The following HEATR5B variants were observed in gnomAD, a reference collection of about 807,000 sequenced individuals.
HEATR5B encodes HEAT repeat containing 5B.
In HEATR5B, 156 loss-of-function variants were observed where a neutral mutation model predicts 224.1. That is an observed-to-expected ratio of 0.70 (90% CI 0.61 to 0.80). HEATR5B has a LOEUF of 0.80. Among genes scored for constraint, HEATR5B ranks in the 30% least tolerant of loss-of-function variants. The pLI is 0.00. For synonymous variants in HEATR5B, 1,027 were observed against 893.0 expected (o/e 1.15, Z -2.68); for missense variants, 2,323 against 2,535.5 (o/e 0.92, Z 1.80).
intron 11 of HEATR5B, among the ~76,000 whole-genome samples, 178 bp downstream of exon 11, chr2:37,061,761 A>T (rs1326347157): frequency 2.0e-5 from 3 of 152,224 alleles, no homozygotes; most frequent in Non-Finnish European, 4.4e-5. Flanking sequence ...AATGTACTTA[A>T]GCAATAATTA....
chr2:37,072,749 T>C (rs1336739152), intron 5 of HEATR5B, among the ~76,000 whole-genome samples: 5 of 150,274 alleles, frequency 3.3e-5, no homozygotes, highest in African/African-American at 1.2e-4. Flanking sequence ...GTCAGGCTGA[T>C]CAGGAAAAAA....
chr2:37,048,399 G>C (rs1223888081), intron 18 of HEATR5B, among the ~76,000 whole-genome samples: 1 of 151,978 alleles, frequency 6.6e-6, no homozygotes, highest in Non-Finnish European at 1.5e-5. Context: ...TGCCCAGGCT[G>C]ATCCAGAATT....
chr2:37,038,510 C>T (rs1474533601), intron 20 of HEATR5B, among the ~76,000 whole-genome samples: 3 of 152,172 alleles, frequency 2.0e-5, no homozygotes, highest in Non-Finnish European at 2.9e-5. Context: ...TAGTTTTATA[C>T]GCATTGCCTT....
chr2:37,079,779 T>C (rs1572954516), intron 2 of HEATR5B, among the ~76,000 whole-genome samples: 1 of 152,002 alleles, frequency 6.6e-6, no homozygotes, highest in East Asian at 1.9e-4. Context: ...GAAAAAAAAA[T>C]ACCCAGCTCT....
chr2:37,037,357 C>A (rs894011063), intron 21 of HEATR5B, among the ~76,000 whole-genome samples: 1 of 151,548 alleles, frequency 6.6e-6, no homozygotes, highest in Non-Finnish European at 1.5e-5. Context: ...ATTGGCCAGG[C>A]TAGTCTCAAT....
At chr2:37,017,822 C>A (rs1668218605) in intron 26 of HEATR5B, among the ~76,000 whole-genome samples, 1 of 151,556 alleles carries the variant, frequency 6.6e-6, no homozygotes, top group African/African-American at 2.4e-5. Flanking sequence ...TGCCCTACAT[C>A]AAAAGATTGG....
rs774775618 is a variant in HEATR5B at position 37,068,867 on chromosome 2, G to A, written c.991C>T (p.Leu331=). ...GAAACCAGATCAAGTACATGGGACA[G>A]GAACGTGGCAAAGCTGCGCTCCAAC... ...QWLERSFATF[L]SHVLDLVSHP... is the part of the protein sequence containing the mutation. Residue 331 remains leucine, a synonymous_variant, in exon 8 of 36, where the codon CTG becomes TTG. Transcript: ENST00000233099. 1 of 1,614,128 alleles carries A rather than the reference G, an allele frequency of 6.2e-7. No individual in the cohort carries two copies. The highest frequency in any genetic ancestry group is 1.1e-5 in the South Asian group (1 of 91,086).
At chr2:37,071,424 G>T (rs1671898618) in intron 6 of HEATR5B, among the ~76,000 whole-genome samples, 1 of 152,140 alleles carries the variant, frequency 6.6e-6, no homozygotes, top group Non-Finnish European at 1.5e-5. Context: ...CTCTGATTCT[G>T]TTTATAATGA....
chr2:36,992,642 A>C (rs1160526588), intron 33 of HEATR5B, among the ~76,000 whole-genome samples: 1 of 152,210 alleles, frequency 6.6e-6, no homozygotes, highest in African/African-American at 2.4e-5. Flanking sequence ...CATCATAGGA[A>C]ATTTATTCTA....
Position 37,005,654 on chromosome 2 carries a change from C to T in HEATR5B, c.4883G>A (p.Arg1628Gln), listed in dbSNP as rs377518442. 5.9e-5 allele frequency: 95 copies of T among 1,613,554 alleles called. No homozygotes were observed. The highest frequency in any genetic ancestry group is 3.1e-5 in the Non-Finnish European group (36 of 1,179,702). The change falls in exon 30 of 36, where the codon CGA becomes CAA. Residue 1628 changes from arginine to glutamine, a missense_variant. Physicochemically the swap from Arg to Gln is conservative, Grantham distance 43. This residue lies in a region of HEATR5B where 844 missense variants were observed against 812.9 expected (regional missense o/e 1.04). Coordinates refer to ENST00000233099, the MANE Select transcript of HEATR5B (RefSeq NM_019024.3). ...TACCTGATCTTCTGCAATATGGACT[C>T]GAGCATAAGGGGAGTCTAGCAAGGT... ...LHTLLDSPYA[R>Q]VHIAEDQLIG...
chr2:37,027,789 G>C (rs1476642371), intron 24 of HEATR5B, 134 bp downstream of exon 24: 4 of 872,028 alleles, frequency 4.6e-6, no homozygotes, highest in Non-Finnish European at 7.1e-6. Context: ...TAAGATGAAA[G>C]GCAAGAGAAC....
chr2:37,080,464 T>C (rs1157960897), intron 2 of HEATR5B, among the ~76,000 whole-genome samples: 1 of 152,154 alleles, frequency 6.6e-6, no homozygotes, highest in South Asian at 2.1e-4. Context: ...CTGGATTTGT[T>C]TGTGGATGAA....
chr2:36,988,371 TC>T (rs1175992476), intron 35 of HEATR5B, among the ~76,000 whole-genome samples: 1 of 152,018 alleles, frequency 6.6e-6, no homozygotes, highest in Non-Finnish European at 1.5e-5. Context: ...CAAGTGATTC[TC>T]CTGCTTCAGC....
intron 3 of HEATR5B, among the ~76,000 whole-genome samples, chr2:37,078,302 C>T: frequency 6.6e-6 from 1 of 152,224 alleles, no homozygotes; most frequent in Admixed American, 6.5e-5. Context: ...AACTCCAAAT[C>T]TCATGCTTTT....
intron 20 of HEATR5B, among the ~76,000 whole-genome samples, chr2:37,039,182 A>AG (rs1178586984): frequency 6.6e-6 from 1 of 151,238 alleles, no homozygotes; most frequent in East Asian, 2.0e-4. Context: ...AAAAAAAAAA[A>AG]AAGGCCGGGT....
In HEATR5B at chr2:37,037,785, A is replaced by C. The variant is rs915605670; in HGVS notation, c.3216+70T>G. 8.5e-6 allele frequency: 10 copies of C among 1,179,200 alleles called. 1 individual carries two copies. In the African/African-American group the frequency reaches 1.1e-4, roughly 13 times the overall value. The allele number at this position is 1,179,200 out of a possible 1,614,324, so 73.0% of individuals were successfully genotyped here. On this transcript the variant is annotated intron_variant, in intron 21 of 35. Coordinates refer to ENST00000233099, the MANE Select transcript of HEATR5B (RefSeq NM_019024.3). ...AAATATATATAGCTAGTATGTATCC[A>C]TAAAAAATTTTTTAAATGTAAAATA... is the stretch of plus-strand genomic sequence containing the variant.
At chr2:37,029,672 G>A (rs1218687649) in intron 22 of HEATR5B, among the ~76,000 whole-genome samples, 1 of 151,856 alleles carries the variant, frequency 6.6e-6, no homozygotes, top group East Asian at 1.9e-4. Context: ...TGGGCACAGT[G>A]GCTCATGCCT....
At chr2:37,018,307 TAGG>T (rs1226543953) in intron 26 of HEATR5B, among the ~76,000 whole-genome samples, 3 of 152,234 alleles carry the variant, frequency 2.0e-5, no homozygotes, top group Non-Finnish European at 4.4e-5. Context: ...AGGAGCATTG[TAGG>T]AGATTTTGTC....
chr2:36,998,862 C>A (rs1181318839), intron 33 of HEATR5B, among the ~76,000 whole-genome samples: 2 of 151,778 alleles, frequency 1.3e-5, no homozygotes, highest in Non-Finnish European at 2.9e-5. Context: ...TTTAATATAA[C>A]TGACACATAC....
Sources: gnomAD v4.1 joint callset for allele counts (sites outside exome capture counted in the v4.1 genomes callset) on GRCh38, gnomAD v4.1.1 for gene constraint, gnomAD v4.1.1 regional missense constraint, MANE v1.5 for transcripts, NCBI Gene and HGNC (gene_info 2026-07-23, HGNC 2026-07-21) for gene names.